STYXL2: variants seen among roughly 807,000 people sequenced by gnomAD.
The protein encoded by STYXL2 is serine/threonine/tyrosine interacting like 2.
STYXL2 carries 44 observed loss-of-function variants against 52.4 expected under a neutral mutation model. The ratio of observed to expected loss-of-function variants is 0.84; its 90% CI spans 0.66 to 1.08. The LOEUF (loss-of-function observed/expected upper bound fraction) is 1.08. Among genes scored for constraint, STYXL2 ranks in the 50% least tolerant of loss-of-function variants. STYXL2 has a pLI of 0.00. For synonymous variants in STYXL2, 604 were observed against 586.9 expected, an observed-to-expected ratio of 1.03 and a Z score of -0.42; for missense variants, 1,604 against 1,471.7, an observed-to-expected ratio of 1.09 and a Z score of -1.47.
At chr1:167,115,880 G>A (rs1488982173) in intron 3 of STYXL2, among the ~76,000 whole-genome samples, 2 of 152,108 alleles carry the variant, frequency 1.3e-5, no homozygotes, top group African/African-American at 4.8e-5. Context: ...GAAGAGAGAA[G>A]GGAAATGAAA....
At chr1:167,117,905 T>C (rs547430852) in intron 4 of STYXL2, among the ~76,000 whole-genome samples, 1 of 152,330 alleles carries the variant, frequency 6.6e-6, no homozygotes, top group South Asian at 2.1e-4. Context: ...TAGGAGCCAT[T>C]GACAATAATA....
rs773833411 is a variant in STYXL2, at chr1:167,127,186, C to A, written c.2055C>A (p.Arg685=). The A allele has an allele frequency of 2.5e-6, 4 of 1,614,176 alleles. No individual in the cohort carries two copies. Among genetic ancestry groups the A allele is most frequent in the Middle Eastern group, 1.6e-4 (1 of 6,062 alleles). Residue 685 remains arginine (R), a synonymous_variant, in exon 6 of 6, where the codon CGC becomes CGA. Coordinates refer to ENST00000361200, the MANE Select transcript of STYXL2 (RefSeq NM_001080426.3). ...CAGTACTGAGCACCCAGAGCCACCGCTCCCACCTGTCTCAGGCTGCAAGCA... is the reference window on the plus strand; with the variant it reads ...CAGTACTGAGCACCCAGAGCCACCGATCCCACCTGTCTCAGGCTGCAAGCA... ...TTSVLSTQSH[R]SHLSQAASNI...
chr1:167,108,033 T>A (rs1202917241), intron 2 of STYXL2, among the ~76,000 whole-genome samples: 2 of 151,542 alleles, frequency 1.3e-5, no homozygotes, highest in Non-Finnish European at 2.9e-5. Flanking sequence ...TGGAAAGGAG[T>A]GAGCCAAAGA....
intron 5 of STYXL2, among the ~76,000 whole-genome samples, chr1:167,123,154 G>A (rs1220733085): frequency 6.6e-6 from 1 of 152,214 alleles, no homozygotes; most frequent in Non-Finnish European, 1.5e-5. Flanking sequence ...CTAGAGTTGT[G>A]CAGAGAAGAA....
In STYXL2 at chr1:167,128,258, C is replaced by T. The variant is rs371920799; in HGVS notation, c.3127C>T (p.Arg1043Cys). ...REESPEPYFF[R>C]RTPESSEREE... is the part of the protein sequence containing the mutation. ...GGAGAGCCCAGAGCCCTACTTCTTC[C>T]GCCGGACCCCAGAGTCCTCAGAAAG... is the stretch of plus-strand genomic sequence containing the variant. The change falls in exon 6 of 6, where the codon CGC (arginine) becomes TGC (cysteine). Residue 1043 changes from arginine (R) to cysteine (C), a missense_variant. Transcript: ENST00000361200. The T allele has an allele frequency of 3.7e-5, 59 of 1,614,156 alleles. No homozygotes were observed. Among genetic ancestry groups the T allele is most frequent in the African/African-American group, 3.5e-4 (26 of 75,048 alleles).
In STYXL2 at chr1:167,128,702, C is replaced by G. The variant is rs1668030179; in HGVS notation, c.*94C>G. ...CACCACTCATCGCAGGATGAGGATA[C>G]AGAGAGGATCTTCCAGAGGGGCAGA... On this transcript the variant is annotated 3_prime_UTR_variant, in exon 6 of 6. Transcript: ENST00000361200. 6.8e-7 allele frequency: 1 copy of G among 1,466,728 alleles called. No homozygotes were observed. The highest frequency in any genetic ancestry group is 8.9e-7 in the Non-Finnish European group (1 of 1,117,948). 90.9% of individuals were successfully genotyped at this position (1,466,728 alleles called of 1,614,324 possible).
At chr1:167,112,745 A>G (rs1419344508) in intron 2 of STYXL2, among the ~76,000 whole-genome samples, 2 of 152,120 alleles carry the variant, frequency 1.3e-5, no homozygotes, top group African/African-American at 4.8e-5. Flanking sequence ...CTGAGCCACA[A>G]TTTTCTCATC....
At chr1:167,117,608 T>G in intron 4 of STYXL2, 49 bp downstream of exon 4, 1 of 1,491,054 alleles carries the variant, frequency 6.7e-7, no homozygotes, top group Non-Finnish European at 9.1e-7. Flanking sequence ...CTCTGGTTAG[T>G]GCCTGAGACA....
chr1:167,115,452 C>A (rs1192875943), intron 3 of STYXL2, among the ~76,000 whole-genome samples: 3 of 152,042 alleles, frequency 2.0e-5, no homozygotes, highest in Non-Finnish European at 4.4e-5. Flanking sequence ...GAAGTGTGAA[C>A]CAGAGACCTA....
At chr1:167,116,317 T>G (rs1181516159) in intron 3 of STYXL2, among the ~76,000 whole-genome samples, 7 of 152,308 alleles carry the variant, frequency 4.6e-5, no homozygotes, top group Admixed American at 3.9e-4. Flanking sequence ...ATCTGGAGTT[T>G]GAGCTTTTCT....
intron 2 of STYXL2, among the ~76,000 whole-genome samples, chr1:167,097,062 G>A (rs981258118): frequency 1.3e-5 from 2 of 152,194 alleles, no homozygotes; most frequent in African/African-American, 4.8e-5. Flanking sequence ...CAGGATGTGA[G>A]GAGTCCTCCT....
intron 1 of STYXL2, 53 bp from the exon 2 acceptor site, chr1:167,094,781 C>A (rs946134297): frequency 1.5e-6 from 2 of 1,323,274 alleles, no homozygotes; most frequent in Non-Finnish European, 1.1e-6. Flanking sequence ...TCTCCCCCAA[C>A]AAAACCTCAG....
chr1:167,119,819 T>G (rs545962981), intron 5 of STYXL2, among the ~76,000 whole-genome samples: 1 of 152,324 alleles, frequency 6.6e-6, no homozygotes, highest in African/African-American at 2.4e-5. Flanking sequence ...CTAGAGTGAC[T>G]GACTAGCTCC....
At position 167,117,501 on chromosome 1, in the gene STYXL2, C is replaced by G; in HGVS notation, c.379C>G (p.Gln127Glu). The change falls in exon 4 of 6, where the codon CAA (glutamine) becomes GAA (glutamate). Residue 127 changes from glutamine (Q) to glutamate (E), a missense_variant. Coordinates refer to ENST00000361200, the MANE Select transcript of STYXL2 (RefSeq NM_001080426.3). ...DLQRALVQDRQEAPWNEVDEV... is the reference protein window; with the variant it reads ...DLQRALVQDREEAPWNEVDEV... ...ACAGCGGGCCCTGGTTCAGGATCGCCAAGAGGCGCCCTGGAATGAGGTGGA... is the reference window on the plus strand; with the variant it reads ...ACAGCGGGCCCTGGTTCAGGATCGCGAAGAGGCGCCCTGGAATGAGGTGGA... The G allele has an allele frequency of 6.2e-7, 1 of 1,611,356 alleles. No individual in the cohort carries two copies. Among genetic ancestry groups the G allele is most frequent in the South Asian group, 1.1e-5 (1 of 90,204 alleles).
Position 167,125,890 on chromosome 1 carries a change from G to T in STYXL2, c.759G>T (p.Met253Ile). Residue 253 changes from methionine to isoleucine, a missense_variant, in exon 6 of 6, where the codon ATG (methionine) becomes ATT (isoleucine). Physicochemically the swap from Met to Ile is conservative, Grantham distance 10. Coordinates refer to ENST00000361200, the MANE Select transcript of STYXL2 (RefSeq NM_001080426.3). The stretch of plus-strand genomic sequence containing the variant: ...ACATGGCCATCCTGGAGGCTTTGAT[G>T]ACCGTGCGTAAGAAGCGGGCCATCT... ...FHNMAILEAL[M>I]TVRKKRAIYP... is the part of the protein sequence containing the mutation. 1 of 1,614,070 alleles carries T rather than the reference G, an allele frequency of 6.2e-7. No homozygotes were observed. Among genetic ancestry groups the T allele is most frequent in the South Asian group, 1.1e-5 (1 of 91,056 alleles).
In STYXL2 at chr1:167,127,282, C is replaced by T; in HGVS notation, c.2151C>T (p.Thr717=). ...ACCTGCCAGTGGGGCCTGGAGACAC[C>T]ATTTCCATTGCCAGTATCCAGAACT... ...LPNLPVGPGD[T]ISIASIQNWI... is the part of the protein sequence containing the mutation. Residue 717 remains threonine, a synonymous_variant, in exon 6 of 6, where the codon ACC becomes ACT. Transcript: ENST00000361200. 6.2e-7 allele frequency: 1 copy of T among 1,614,222 alleles called. No homozygotes were observed. The highest frequency in any genetic ancestry group is 2.2e-5 in the East Asian group (1 of 44,880).
In STYXL2 at chr1:167,126,426, G is replaced by A. The variant is rs746634720; in HGVS notation, c.1295G>A (p.Arg432His). The A allele has an allele frequency of 1.3e-6, 2 of 1,564,582 alleles. No homozygotes were observed. Among genetic ancestry groups the A allele is most frequent in the Non-Finnish European group, 1.7e-6 (2 of 1,155,262 alleles). Residue 432 changes from arginine (R) to histidine (H), a missense_variant, in exon 6 of 6, where the codon CGC (arginine) becomes CAC (histidine). By Grantham distance (29) the Arg-to-His change is conservative (BLOSUM62 0). Transcript: ENST00000361200. ...GGCTCCTCGGTGGGGAGGCGGCGGC[G>A]CACCCTGAGCGAGAGCAGCGCCTGG... ...DAGSSVGRRR[R>H]TLSESSAWES...
At chr1:167,125,411 T>C (rs1372689387) in intron 5 of STYXL2, among the ~76,000 whole-genome samples, 2 of 152,240 alleles carry the variant, frequency 1.3e-5, no homozygotes, top group East Asian at 3.8e-4. Context: ...ATGTGACTTA[T>C]GATGCTTCCC....
rs549679477 is a variant in STYXL2, at chr1:167,110,867, A to G, written c.111-2843A>G. On this transcript the variant is annotated intron_variant, in intron 2 of 5. Transcript: ENST00000361200. ...CACTTCCCCAACCCCTCTCTTGTAG[A>G]AACTTTATTATAAAAACCTCAGCTT... is the stretch of plus-strand genomic sequence containing the variant. Among the ~76,000 whole-genome samples the G allele has an allele frequency of 4.6e-5, 7 of 152,322 alleles. No individual in the cohort carries two copies. In the South Asian group the frequency reaches 1.5e-3, roughly 32 times the overall value.
Sources: allele counts gnomAD v4.1 joint callset (sites outside exome capture counted in the v4.1 genomes callset), GRCh38; gene constraint gnomAD v4.1.1; transcripts MANE v1.5; gene names NCBI Gene and HGNC (gene_info 2026-07-23, HGNC 2026-07-21).